Variants in ANKRD55 observed in about 807,000 individuals in gnomAD.
ANKRD55 encodes the protein ankyrin repeat domain-containing protein 55.
A neutral mutation model predicts 60.6 loss-of-function variants in ANKRD55; 41 were observed. The ratio of observed to expected loss-of-function variants is 0.68; its 90% CI spans 0.53 to 0.88. The LOEUF is 0.88. ANKRD55 is among the 40% of genes least tolerant of loss of function. The pLI, the probability that ANKRD55 is intolerant of heterozygous loss-of-function variation, is 0.00. For missense variants in ANKRD55, 732 were observed against 767.6 expected (o/e 0.95, Z 0.55); for synonymous variants, 264 against 290.3 (o/e 0.91, Z 0.92).
chr5:56,102,421 G>T, intron 11 of ANKRD55, 73 bp downstream of exon 11: 2 of 1,110,052 alleles, frequency 1.8e-6, no homozygotes, highest in South Asian at 1.4e-5. Context: ...GAAAGTAAAC[G>T]GAAATAACAT....
intron 5 of ANKRD55, among the ~76,000 whole-genome samples, chr5:56,167,181 G>A (rs1327963302): frequency 5.3e-5 from 8 of 152,280 alleles, no homozygotes; most frequent in African/African-American, 1.7e-4. Flanking sequence ...GTCGTTTGGC[G>A]ATTTCATCAT....
At chr5:56,192,517 C>T (rs1371687280) in intron 2 of ANKRD55, 1 of 296,706 alleles carries the variant, frequency 3.4e-6, no homozygotes, top group Non-Finnish European at 6.7e-6. Context: ...AAGAGGGAGC[C>T]ACGGCCGATG....
chr5:56,183,577 T>C lies in ANKRD55; in HGVS notation c.116A>G (p.Asp39Gly). Residue 39 changes from aspartate (D) to glycine (G), a missense_variant, in exon 3 of 12, where the codon GAT (aspartate) becomes GGT (glycine). By Grantham distance (94) the Asp-to-Gly change is moderately conservative (BLOSUM62 -1). Coordinates refer to ENST00000341048, the MANE Select transcript of ANKRD55 (RefSeq NM_024669.3). The part of the protein sequence containing the change: ...TMVYQAASNG[D>G]VNALTAVIRE... ...AATCACTGCAGTCAGAGCATTGACATCTCCATTAGAGGCTGCTTGATAAAC... is the reference window on the plus strand; with the variant it reads ...AATCACTGCAGTCAGAGCATTGACACCTCCATTAGAGGCTGCTTGATAAAC... 2 of 1,614,220 alleles carry C rather than the reference T, an allele frequency of 1.2e-6. No homozygotes were observed. The highest frequency in any genetic ancestry group is 1.7e-6 in the Non-Finnish European group (2 of 1,180,036).
At chr5:56,230,573 C>T (rs555298877) in intron 2 of ANKRD55, among the ~76,000 whole-genome samples, 8 of 152,076 alleles carry the variant, frequency 5.3e-5, no homozygotes, top group African/African-American at 9.7e-5. Context: ...CAACTTTTCC[C>T]GAGAAAGTCA....
At chr5:56,227,442 C>G (rs916935371) in intron 2 of ANKRD55, among the ~76,000 whole-genome samples, 2 of 151,914 alleles carry the variant, frequency 1.3e-5, no homozygotes, top group Non-Finnish European at 2.9e-5. Context: ...ACATATGTAA[C>G]AAACCTACAC....
intron 7 of ANKRD55, among the ~76,000 whole-genome samples, chr5:56,138,944 T>G (rs1011400448): frequency 6.6e-6 from 1 of 152,112 alleles, no homozygotes; most frequent in African/African-American, 2.4e-5. Flanking sequence ...CCACAGAATG[T>G]ACAATATCAA....
chr5:56,185,171 C>A (rs59713010), intron 2 of ANKRD55, among the ~76,000 whole-genome samples: 1 of 151,444 alleles, frequency 6.6e-6, no homozygotes, highest in African/African-American at 2.4e-5. Flanking sequence ...TGCAGTGAGC[C>A]GAGATTGCAC....
At chr5:56,184,054 C>T (rs902169708) in intron 2 of ANKRD55, among the ~76,000 whole-genome samples, 3 of 152,202 alleles carry the variant, frequency 2.0e-5, no homozygotes, top group East Asian at 1.9e-4. Context: ...CTCCATTCTC[C>T]GTTCTCCAGA....
At chr5:56,174,901 C>A (rs1758705617) in intron 4 of ANKRD55, among the ~76,000 whole-genome samples, 1 of 151,898 alleles carries the variant, frequency 6.6e-6, no homozygotes, top group Non-Finnish European at 1.5e-5. Context: ...ACACCAACTA[C>A]CCCAGTCCTG....
At chr5:56,193,704 C>A in intron 2 of ANKRD55, 1 of 198,084 alleles carries the variant, frequency 5.0e-6, no homozygotes, top group East Asian at 1.3e-4. Flanking sequence ...TTCTGCATTT[C>A]TGACATAGAG....
chr5:56,103,653 T>A (rs140930840), intron 10 of ANKRD55, among the ~76,000 whole-genome samples: 1 of 152,330 alleles, frequency 6.6e-6, no homozygotes, highest in African/African-American at 2.4e-5. Flanking sequence ...TTTCCACTTG[T>A]CATGAGGATT....
intron 5 of ANKRD55, among the ~76,000 whole-genome samples, chr5:56,161,365 T>A (rs1206062264): frequency 6.6e-6 from 1 of 152,238 alleles, no homozygotes; most frequent in East Asian, 1.9e-4. Flanking sequence ...ATGGAGGAAA[T>A]TCAGAAATTG....
At chr5:56,121,986 C>T (rs60520855) in intron 8 of ANKRD55, among the ~76,000 whole-genome samples, 2,583 of 152,262 alleles carry the variant, frequency 0.017, 82 homozygotes, top group African/African-American at 0.059. Context: ...TTTTGGTAAC[C>T]TGTCCCAGTG....
At chr5:56,145,692 A>G (rs1757878841) in intron 6 of ANKRD55, among the ~76,000 whole-genome samples, 1 of 152,196 alleles carries the variant, frequency 6.6e-6, no homozygotes, top group Non-Finnish European at 1.5e-5. Flanking sequence ...ATGGAACTGA[A>G]TCTAGGGTTT....
chr5:56,195,399 G>A (rs1759206079), intron 2 of ANKRD55, among the ~76,000 whole-genome samples: 1 of 152,038 alleles, frequency 6.6e-6, no homozygotes, highest in Admixed American at 6.6e-5. Flanking sequence ...TTATCATTAT[G>A]CCAATTTTAC....
At chr5:56,125,732 A>AG (rs1410842784) in intron 8 of ANKRD55, 1 of 152,226 alleles carries the variant, frequency 6.6e-6, no homozygotes, top group Non-Finnish European at 1.5e-5. Context: ...GCCCCTGCGC[A>AG]GGGATGACAC....
chr5:56,142,458 G>C (rs570278800), intron 7 of ANKRD55, among the ~76,000 whole-genome samples: 187 of 152,046 alleles, frequency 1.2e-3, no homozygotes, highest in African/African-American at 4.3e-3. Context: ...GCAAGGCCAG[G>C]TCTAAGACAG....
chr5:56,143,993 C>T (rs1757836863), intron 6 of ANKRD55, 64 bp from the exon 7 acceptor site: 1 of 1,606,358 alleles, frequency 6.2e-7, no homozygotes, highest in South Asian at 1.1e-5. Flanking sequence ...AACTGGAGCT[C>T]ACACTTTCTC....
intron 2 of ANKRD55, among the ~76,000 whole-genome samples, chr5:56,200,119 A>G (rs1026539654): frequency 9.9e-5 from 15 of 152,144 alleles, no homozygotes; most frequent in Non-Finnish European, 1.9e-4. Context: ...TCTATAATGA[A>G]TTTATGTTCT....
Sources: gnomAD v4.1 joint callset for allele counts (sites outside exome capture counted in the v4.1 genomes callset) on GRCh38, gnomAD v4.1.1 for gene constraint, MANE v1.5 for transcripts, NCBI Gene and HGNC (gene_info 2026-07-23, HGNC 2026-07-21) for gene names.